Variants in GTPBP4 observed in about 807,000 individuals in gnomAD.
GTPBP4 encodes the protein GTP-binding protein 4.
Under a neutral mutation model 81.7 loss-of-function variants are expected in GTPBP4, and 15 were observed. The observed-to-expected ratio is 0.18, with a 90% CI of 0.12 to 0.28. The LOEUF (loss-of-function observed/expected upper bound fraction) is 0.28. GTPBP4 is among the 10% of genes least tolerant of loss of function. The pLI is 1.00. For missense variants in GTPBP4, 847 were observed against 793.8 expected, an observed-to-expected ratio of 1.07 and a Z score of -0.81; for synonymous variants, 272 against 274.6, an observed-to-expected ratio of 0.99 and a Z score of 0.09.
intron 5 of GTPBP4, among the ~76,000 whole-genome samples, chr10:998,340 T>A (rs1306126494): frequency 6.6e-6 from 1 of 152,194 alleles, no homozygotes; most frequent in Non-Finnish European, 1.5e-5. Context: ...GCTCAAGCCA[T>A]CCTCCTGCCT....
intron 2 of GTPBP4, among the ~76,000 whole-genome samples, chr10:994,550 C>T (rs1280424421): frequency 1.3e-5 from 2 of 152,216 alleles, no homozygotes; most frequent in Admixed American, 6.5e-5. Flanking sequence ...GGATTACAGA[C>T]ATAAGCCACA....
chr10:1,006,401 G>A (rs1028574367), intron 9 of GTPBP4, among the ~76,000 whole-genome samples: 2 of 152,232 alleles, frequency 1.3e-5, no homozygotes, highest in Non-Finnish European at 2.9e-5. Context: ...CACTTTGGGA[G>A]GCTGAGGCGG....
At chr10:993,277 G>C (rs1195983434) in intron 2 of GTPBP4, among the ~76,000 whole-genome samples, 2 of 152,088 alleles carry the variant, frequency 1.3e-5, no homozygotes, top group African/African-American at 4.8e-5. Context: ...TTTGGAGACT[G>C]AGTCTCACTC....
chr10:991,555 A>G (rs1831443347), intron 1 of GTPBP4, among the ~76,000 whole-genome samples: 2 of 152,196 alleles, frequency 1.3e-5, no homozygotes, highest in Admixed American at 1.3e-4. Context: ...GGTATGCATA[A>G]ACAAATGGGA....
chr10:994,103 A>C (rs1831496829), intron 2 of GTPBP4, among the ~76,000 whole-genome samples: 1 of 152,184 alleles, frequency 6.6e-6, no homozygotes. Flanking sequence ...AAAATACAAA[A>C]ATTCTTGCTA....
intron 6 of GTPBP4, among the ~76,000 whole-genome samples, chr10:1,000,056 C>A (rs1423999376): frequency 6.6e-6 from 1 of 152,106 alleles, no homozygotes; most frequent in African/African-American, 2.4e-5. Flanking sequence ...GGAGGGTTCT[C>A]AGTTATCCCA....
intron 2 of GTPBP4, 51 bp from the exon 3 acceptor site, chr10:995,878 A>T (rs779007300): frequency 4.8e-6 from 5 of 1,036,350 alleles, no homozygotes; most frequent in Admixed American, 1.8e-5. Flanking sequence ...AGTGGTAGGG[A>T]TGAAAAACTG....
At chr10:998,865 C>G (rs922776360) in intron 5 of GTPBP4, 138 bp from the exon 6 acceptor site, 5 of 623,732 alleles carry the variant, frequency 8.0e-6, no homozygotes, top group Non-Finnish European at 1.5e-5. Context: ...AGGTACCAGG[C>G]TCCTATTCGA....
intron 9 of GTPBP4, among the ~76,000 whole-genome samples, 173 bp from the exon 10 acceptor site, chr10:1,006,845 C>G (rs1408004887): frequency 6.6e-6 from 1 of 152,178 alleles, no homozygotes; most frequent in Admixed American, 6.5e-5. Flanking sequence ...ACTGGAGATG[C>G]ACCTTCCCTC....
At chr10:989,750 T>C (rs923839099) in intron 1 of GTPBP4, among the ~76,000 whole-genome samples, 1 of 152,198 alleles carries the variant, frequency 6.6e-6, no homozygotes, top group Non-Finnish European at 1.5e-5. Context: ...ATTTTCTTTC[T>C]TTCTTTTTGA....
intron 1 of GTPBP4, among the ~76,000 whole-genome samples, chr10:990,518 C>A (rs371188836): frequency 6.6e-6 from 1 of 151,706 alleles, no homozygotes; most frequent in African/African-American, 2.4e-5. Context: ...GTCAGGAGAT[C>A]GAGACCATCC....
intron 1 of GTPBP4, among the ~76,000 whole-genome samples, chr10:991,155 G>A (rs1831434622): frequency 6.6e-6 from 1 of 152,096 alleles, no homozygotes; most frequent in Non-Finnish European, 1.5e-5. Flanking sequence ...GCCCCTCATA[G>A]TACAATACTT....
At position 1,009,068 on chromosome 10, in the gene GTPBP4, A is replaced by G. The variant is rs201874436; in HGVS notation, c.1191+33A>G. 441 of 1,481,678 alleles carry G rather than the reference A, an allele frequency of 3.0e-4. 1 individual carries two copies. The highest frequency in any genetic ancestry group is 6.0e-4 in the Admixed American group (36 of 59,744). The allele number at this position is 1,481,678 out of a possible 1,614,324, so 91.8% of individuals were successfully genotyped here. A position where few individuals can be genotyped will look rare whatever the true frequency, so the allele number is the denominator to read the frequency against. On this transcript the variant is annotated intron_variant, in intron 11 of 16. Coordinates refer to ENST00000360803, the MANE Select transcript of GTPBP4 (RefSeq NM_012341.3). ...GCCGAAGCTCTCGCCCAGTGTTCTC[A>G]TGGGGGGAGGCAGGCTGTGTGTGCC...
At position 1,015,513 on chromosome 10, in the gene GTPBP4, T is replaced by G. The variant is rs12254732; in HGVS notation, c.1609-240T>G. Among the ~76,000 whole-genome samples the G allele has an allele frequency of 6.5e-3, 108 of 16,722 alleles. 7 individuals carry two copies. Among genetic ancestry groups the G allele is most frequent in the African/African-American group, 0.024 (80 of 3,374 alleles). The allele number at this position is 16,722 out of a possible 152,430, so 11.0% of individuals were successfully genotyped here. ...TGGGAGTGGGGCTGGGGTCCTGAGC[T>G]CTGAGCCTGGGAGCGGGGCTGGGGT... On this transcript the variant is annotated intron_variant, in intron 15 of 16. Coordinates refer to ENST00000360803, the MANE Select transcript of GTPBP4 (RefSeq NM_012341.3).
At chr10:995,901 G>T in intron 2 of GTPBP4, 28 bp from the exon 3 acceptor site, 1 of 1,340,428 alleles carries the variant, frequency 7.5e-7, no homozygotes, top group South Asian at 1.2e-5. Context: ...GGCCCCAAGT[G>T]ACCGTGGTGT....
chr10:994,857 G>A (rs1334643633), intron 2 of GTPBP4, among the ~76,000 whole-genome samples: 1 of 152,222 alleles, frequency 6.6e-6, no homozygotes, highest in African/African-American at 2.4e-5. Context: ...ACTGTTCTGA[G>A]TCCTAGGAAT....
intron 1 of GTPBP4, among the ~76,000 whole-genome samples, chr10:990,979 G>T (rs1357293119): frequency 1.3e-5 from 2 of 151,920 alleles, no homozygotes; most frequent in Non-Finnish European, 2.9e-5. Flanking sequence ...AGGGGAGACC[G>T]TGTGTGCCCC....
chr10:1,009,709 G>GAA, intron 12 of GTPBP4, 129 bp downstream of exon 12: 1 of 705,614 alleles, frequency 1.4e-6, no homozygotes, highest in Non-Finnish European at 2.5e-6. Context: ...ATTTCTTGAA[G>GAA]ATTAAAAGTT....
intron 8 of GTPBP4, among the ~76,000 whole-genome samples, chr10:1,005,129 GT>G (rs1166751411): frequency 6.6e-6 from 1 of 151,764 alleles, no homozygotes; most frequent in Admixed American, 6.6e-5. Context: ...GGCCCAGTGT[GT>G]TTTTTTTGGT....
Sources: gnomAD v4.1 joint callset for allele counts (sites outside exome capture counted in the v4.1 genomes callset) on GRCh38, gnomAD v4.1.1 for gene constraint, MANE v1.5 for transcripts, NCBI Gene and HGNC (gene_info 2026-07-23, HGNC 2026-07-21) for gene names.